Variants in FNDC3A observed in about 807,000 individuals in gnomAD.
FNDC3A encodes the protein fibronectin type-III domain-containing protein 3A.
Under a neutral mutation model 148.9 loss-of-function variants are expected in FNDC3A, and 32 were observed. The ratio of observed to expected loss-of-function variants is 0.21; its 90% confidence interval spans 0.16 to 0.29. The LOEUF (loss-of-function observed/expected upper bound fraction) is 0.29, where lower values mean the gene tolerates loss of function less well. FNDC3A is among the 10% of genes least tolerant of loss of function. The probability of loss-of-function intolerance (pLI) is 1.00; values close to 1 mark genes in which losing one functional copy is unlikely to be tolerated. For synonymous variants in FNDC3A, 472 were observed against 473.6 expected (o/e 1.00, Z 0.04); for missense variants, 1,191 against 1,452.8 (o/e 0.82, Z 2.93).
chr13:49,163,716 C>T (rs1342366297), intron 8 of FNDC3A, among the ~76,000 whole-genome samples: 1 of 152,218 alleles, frequency 6.6e-6, no homozygotes, highest in Non-Finnish European at 1.5e-5. Context: ...TTCTGTATTG[C>T]TCACACTGGG....
intron 1 of FNDC3A, among the ~76,000 whole-genome samples, chr13:48,994,402 G>T (rs1951983564): frequency 6.6e-6 from 1 of 152,192 alleles, no homozygotes; most frequent in Admixed American, 6.5e-5. Context: ...GATGATTTAA[G>T]GAATTATTGA....
At chr13:49,043,995 G>A (rs1875160522) in intron 2 of FNDC3A, 1 of 152,250 alleles carries the variant, frequency 6.6e-6, no homozygotes, top group African/African-American at 2.4e-5. Flanking sequence ...TACCAGAAAA[G>A]CATATTAACT....
At chr13:49,187,343 A>ATT (rs759646676) in intron 16 of FNDC3A, 153 bp downstream of exon 16, 126 of 668,030 alleles carry the variant, frequency 1.9e-4, no homozygotes, top group South Asian at 3.4e-4. Flanking sequence ...GTTGTCCTGG[A>ATT]TTTTTTTTTT....
chr13:49,032,324 A>T (rs1047809828), intron 2 of FNDC3A, among the ~76,000 whole-genome samples: 1 of 152,198 alleles, frequency 6.6e-6, no homozygotes, highest in Admixed American at 6.5e-5. Context: ...ATGTCCATGT[A>T]AAAAAATGAA....
At chr13:49,081,456 A>G (rs1291217132) in intron 3 of FNDC3A, among the ~76,000 whole-genome samples, 1 of 152,238 alleles carries the variant, frequency 6.6e-6, no homozygotes, top group Non-Finnish European at 1.5e-5. Flanking sequence ...AAACTTTGCC[A>G]CTTACTATTG....
intron 8 of FNDC3A, among the ~76,000 whole-genome samples, chr13:49,164,210 A>T (rs1374947745): frequency 6.6e-6 from 1 of 152,196 alleles, no homozygotes; most frequent in Non-Finnish European, 1.5e-5. Flanking sequence ...TGAATACATC[A>T]TCCCATTCCC....
At chr13:49,067,901 A>G (rs1188906779) in intron 2 of FNDC3A, among the ~76,000 whole-genome samples, 1 of 152,140 alleles carries the variant, frequency 6.6e-6, no homozygotes, top group African/African-American at 2.4e-5. Flanking sequence ...CCACTATAAA[A>G]TTTTATCACT....
chr13:49,187,415 A>G lies in FNDC3A; in HGVS notation c.1825+225A>G, dbSNP rs943077785. ...TGCCATATGAGTTCAAGTTTGATCC[A>G]CTTCCAGAGGCTGTACCTCTTAAAA... On this transcript the variant is annotated intron_variant, in intron 16 of 25. Transcript: ENST00000492622. The G allele has an allele frequency of 3.9e-6, 4 of 1,033,114 alleles. No homozygotes were observed. The African/African-American group carries it at 4.9e-5, about 13-fold the overall frequency. The allele number at this position is 1,033,114 out of a possible 1,614,324, so 64.0% of individuals were successfully genotyped here.
chr13:49,171,828 G>C lies in FNDC3A; in HGVS notation c.1177-215G>C, dbSNP rs145422244. Among the ~76,000 whole-genome samples the C allele has an allele frequency of 5.6e-3, 858 of 152,172 alleles. 5 individuals are homozygous for C. Among genetic ancestry groups the C allele is most frequent in the Non-Finnish European group, 7.8e-3 (527 of 67,998 alleles). The stretch of plus-strand genomic sequence containing the variant: ...TGCTAAAAGAGATTGTTCAGTGTTC[G>C]GAAAGACTTGAGTAGCTTCTTGCTT... On this transcript the variant is annotated intron_variant, in intron 10 of 25. Coordinates refer to ENST00000492622, the MANE Select transcript of FNDC3A (RefSeq NM_001079673.2).
intron 3 of FNDC3A, among the ~76,000 whole-genome samples, chr13:49,095,778 A>C (rs779837470): frequency 6.6e-6 from 1 of 152,074 alleles, no homozygotes; most frequent in African/African-American, 2.4e-5. Flanking sequence ...AAACCTTTGT[A>C]ATTTTTTTCC....
chr13:49,165,534 C>G (rs909492709), intron 8 of FNDC3A, among the ~76,000 whole-genome samples: 3 of 152,100 alleles, frequency 2.0e-5, no homozygotes, highest in Non-Finnish European at 4.4e-5. Context: ...TGAGGTGGGC[C>G]TGTCCTCGGG....
intron 3 of FNDC3A, among the ~76,000 whole-genome samples, chr13:49,096,460 C>A (rs548644947): frequency 6.6e-6 from 1 of 152,072 alleles, no homozygotes; most frequent in Admixed American, 6.6e-5. Flanking sequence ...TCATGTAATC[C>A]TTCGATATTT....
chr13:49,007,022 A>G (rs1167792268), intron 2 of FNDC3A, among the ~76,000 whole-genome samples: 1 of 152,078 alleles, frequency 6.6e-6, no homozygotes, highest in Non-Finnish European at 1.5e-5. Flanking sequence ...TCTTTCAACA[A>G]TTCTATGAGG....
chr13:49,038,893 A>AT (rs1049838360), intron 2 of FNDC3A, among the ~76,000 whole-genome samples: 168 of 151,594 alleles, frequency 1.1e-3, no homozygotes, highest in African/African-American at 3.5e-3. Context: ...GGTTTTGTAG[A>AT]TTTTTTTTTG....
chr13:49,001,914 G>C (rs1952132591), intron 1 of FNDC3A, among the ~76,000 whole-genome samples: 1 of 152,088 alleles, frequency 6.6e-6, no homozygotes, highest in Non-Finnish European at 1.5e-5. Flanking sequence ...TGTGATCTCT[G>C]TGACCCACAC....
At chr13:49,115,196 A>C (rs1371573038) in intron 4 of FNDC3A, among the ~76,000 whole-genome samples, 2 of 112,810 alleles carry the variant, frequency 1.8e-5, no homozygotes, top group African/African-American at 4.0e-5. Flanking sequence ...GGGGGGGGGA[A>C]ATAAAAAAAA....
intron 3 of FNDC3A, among the ~76,000 whole-genome samples, chr13:49,111,303 A>C (rs1880554084): frequency 6.6e-6 from 1 of 152,208 alleles, no homozygotes; most frequent in African/African-American, 2.4e-5. Flanking sequence ...GATGCTGTAA[A>C]CGTTGTAGTT....
intron 1 of FNDC3A, among the ~76,000 whole-genome samples, chr13:48,985,168 A>G (rs550660476): frequency 5.3e-5 from 8 of 152,336 alleles, no homozygotes; most frequent in South Asian, 4.1e-4. Flanking sequence ...TTAATATTCA[A>G]GGTATATAAG....
At chr13:49,077,114 C>CA (rs968331849) in intron 3 of FNDC3A, among the ~76,000 whole-genome samples, 51 of 152,200 alleles carry the variant, frequency 3.4e-4, no homozygotes, top group African/African-American at 1.0e-3. Context: ...CCTGTCTCTA[C>CA]AAAAAATTTA....
Sources: allele counts gnomAD v4.1 joint callset (sites outside exome capture counted in the v4.1 genomes callset), GRCh38; gene constraint gnomAD v4.1.1; transcripts MANE v1.5; gene names NCBI Gene and HGNC (gene_info 2026-07-23, HGNC 2026-07-21).